The following TLN2 variants were observed in gnomAD, a reference collection of about 807,000 sequenced individuals.
TLN2 encodes talin 2, also known as talin-2.
A neutral mutation model predicts 294.7 loss-of-function variants in TLN2; 118 were observed. That is an observed-to-expected ratio of 0.40 (90% CI 0.34 to 0.47). The LOEUF is 0.47. Ranked by LOEUF, TLN2 falls within the 20% of genes least tolerant of loss-of-function variation. The pLI is 0.84. For missense variants in TLN2, 3,083 were observed against 3,282.2 expected (o/e 0.94, Z 1.48); for synonymous variants, 1,431 against 1,304.5 (o/e 1.10, Z -2.09).
chr15:62,707,120 A>T lies in TLN2; in HGVS notation c.2039A>T (p.Asn680Ile). ...VLMSLAKAVANAAAMLVLKAK... is the reference protein window; with the variant it reads ...VLMSLAKAVAIAAAMLVLKAK... ...ATGAGTTTGGCCAAAGCTGTTGCCA[A>T]TGCAGCTGCCATGTTGGTACTAAAG... Residue 680 changes from asparagine to isoleucine, a missense_variant, in exon 20 of 59, where the codon AAT becomes ATT. Coordinates refer to ENST00000636159, the MANE Select transcript of TLN2 (RefSeq NM_015059.3). 1 of 1,614,092 alleles carries T rather than the reference A, an allele frequency of 6.2e-7. No homozygotes were observed. Among genetic ancestry groups the T allele is most frequent in the East Asian group, 2.2e-5 (1 of 44,886 alleles).
At chr15:62,768,794 C>T (rs2063175598) in intron 41 of TLN2, among the ~76,000 whole-genome samples, 1 of 152,204 alleles carries the variant, frequency 6.6e-6, no homozygotes, top group Non-Finnish European at 1.5e-5. Context: ...AATATGTGAG[C>T]ACCTAGCCTT....
intron 1 of TLN2, among the ~76,000 whole-genome samples, chr15:62,455,550 T>C (rs1170673563): frequency 6.6e-6 from 1 of 152,176 alleles, no homozygotes; most frequent in African/African-American, 2.4e-5. Context: ...TGTTGACTTT[T>C]AGAAAGAGTA....
At position 62,582,247 on chromosome 15, in the gene TLN2, C is replaced by CACACACACACACAT. The variant is rs1412650912; in HGVS notation, c.-237-7439_-237-7438insCACACACACACATA. On this transcript the variant is annotated intron_variant, in intron 1 of 58. Transcript: ENST00000636159. Reference sequence around the variant, plus strand: ...ACACACACACACACACACACACACACATTCATGCCTGACCCATTCCTGACC... The same window carrying CACACACACACACAT: ...ACACACACACACACACACACACACACACACACACACACATATTCATGCCTGACCCATTCCTGACC... 7.7e-4 allele frequency among the ~76,000 whole-genome samples: 79 copies of CACACACACACACAT among 103,196 alleles called. 2 individuals carry two copies. The highest frequency in any genetic ancestry group is 1.3e-3 in the Non-Finnish European group (62 of 49,186). The allele number at this position is 103,196 out of a possible 152,430, so 67.7% of individuals were successfully genotyped here. A position where few individuals can be genotyped will look rare whatever the true frequency, so the allele number is the denominator to read the frequency against.
chr15:62,505,961 A>T (rs2039596233), intron 1 of TLN2, among the ~76,000 whole-genome samples: 1 of 152,306 alleles, frequency 6.6e-6, no homozygotes, highest in Admixed American at 6.5e-5. Flanking sequence ...CAGGTCTAAG[A>T]TCATTCTTTC....
At chr15:62,752,247 T>A (rs11638510) in intron 34 of TLN2, 58 bp from the exon 35 acceptor site, 115,574 of 1,598,736 alleles carry the variant, frequency 0.072, 4,899 homozygotes, top group Non-Finnish European at 0.086. Context: ...TAGCCTCCTT[T>A]ACCCCTTGGT....
At chr15:62,407,515 A>C (rs1000944668) in intron 1 of TLN2, among the ~76,000 whole-genome samples, 1 of 152,166 alleles carries the variant, frequency 6.6e-6, no homozygotes, top group Non-Finnish European at 1.5e-5. Flanking sequence ...GAACAAATGT[A>C]CCCTATCATG....
intron 1 of TLN2, among the ~76,000 whole-genome samples, chr15:62,584,001 T>C (rs1386493863): frequency 1.3e-5 from 2 of 152,246 alleles, no homozygotes; most frequent in Non-Finnish European, 2.9e-5. Flanking sequence ...TACACTACTT[T>C]GCATTGATAT....
chr15:62,394,915 A>G (rs770283660), intron 1 of TLN2, among the ~76,000 whole-genome samples: 10 of 152,164 alleles, frequency 6.6e-5, no homozygotes, highest in Non-Finnish European at 1.3e-4. Flanking sequence ...TTCACAGTGG[A>G]GTTTCAGAGA....
intron 1 of TLN2, among the ~76,000 whole-genome samples, chr15:62,510,636 G>T (rs73427782): frequency 2.9e-3 from 436 of 152,292 alleles, no homozygotes; most frequent in African/African-American, 9.7e-3. Flanking sequence ...ACTAATTCAT[G>T]CATGGTGATG....
chr15:62,418,006 C>T (rs1320619131), intron 1 of TLN2, among the ~76,000 whole-genome samples: 1 of 152,188 alleles, frequency 6.6e-6, no homozygotes, highest in East Asian at 1.9e-4. Flanking sequence ...TTGCTTTTCC[C>T]CCGCTTATCC....
At chr15:62,454,536 C>G (rs2036349521) in intron 1 of TLN2, among the ~76,000 whole-genome samples, 1 of 152,058 alleles carries the variant, frequency 6.6e-6, no homozygotes, top group Non-Finnish European at 1.5e-5. Flanking sequence ...ATTTGTAGGT[C>G]TGGTCATTAG....
chr15:62,781,306 C>A (rs1366725134), intron 44 of TLN2, 65 bp downstream of exon 44: 9 of 1,233,742 alleles, frequency 7.3e-6, no homozygotes, highest in Admixed American at 1.7e-5. Context: ...CGCCGCTGAG[C>A]CTGCAAATCC....
chr15:62,674,276 T>G (rs1258436221), intron 10 of TLN2, among the ~76,000 whole-genome samples: 1 of 152,188 alleles, frequency 6.6e-6, no homozygotes, highest in African/African-American at 2.4e-5. Context: ...AAATCCAGAA[T>G]TATCCTAAAA....
At chr15:62,432,447 G>T (rs1029634881) in intron 1 of TLN2, among the ~76,000 whole-genome samples, 1 of 152,084 alleles carries the variant, frequency 6.6e-6, no homozygotes, top group Non-Finnish European at 1.5e-5. Flanking sequence ...TTTTATAGTG[G>T]CATTAATCCA....
chr15:62,777,440 G>T (rs186563651), intron 43 of TLN2, among the ~76,000 whole-genome samples: 1 of 151,902 alleles, frequency 6.6e-6, no homozygotes. Context: ...GGAGGCTGAG[G>T]CAGGAGAATC....
intron 32 of TLN2, among the ~76,000 whole-genome samples, chr15:62,747,000 C>G (rs1449433758): frequency 1.3e-5 from 2 of 152,118 alleles, no homozygotes; most frequent in African/African-American, 4.8e-5. Flanking sequence ...CCATGTAGAT[C>G]AGTGCAACAC....
rs1450790060 is a variant in TLN2 at position 62,842,182 on chromosome 15, A to G, written c.*1572A>G. On this transcript the variant is annotated 3_prime_UTR_variant, in exon 59 of 59. Coordinates refer to ENST00000636159, the MANE Select transcript of TLN2 (RefSeq NM_015059.3). ...AGCTTCCCATATTTATAAGTTACTT[A>G]TAAGTGCTGCACGTATTAGAATTTT... The G allele has an allele frequency of 3.9e-5, 6 of 152,020 alleles. No individual in the cohort carries two copies. The highest frequency in any genetic ancestry group is 1.3e-4 in the Admixed American group (2 of 15,272). 9.4% of individuals were successfully genotyped at this position (152,020 alleles called of 1,614,324 possible). A position where few individuals can be genotyped will look rare whatever the true frequency, so the allele number is the denominator to read the frequency against.
intron 1 of TLN2, among the ~76,000 whole-genome samples, chr15:62,545,608 C>T (rs1356889667): frequency 6.6e-6 from 1 of 151,740 alleles, no homozygotes; most frequent in Non-Finnish European, 1.5e-5. Context: ...AGCAGAGCTG[C>T]AAATCTCCTG....
chr15:62,736,395 T>G (rs1345032671), intron 28 of TLN2, among the ~76,000 whole-genome samples: 1 of 152,070 alleles, frequency 6.6e-6, no homozygotes, highest in Non-Finnish European at 1.5e-5. Flanking sequence ...GAAGGGAGCA[T>G]TGACTGGCAC....
Sources: gnomAD v4.1 joint callset for allele counts (sites outside exome capture counted in the v4.1 genomes callset) on GRCh38, gnomAD v4.1.1 for gene constraint, MANE v1.5 for transcripts, NCBI Gene and HGNC (gene_info 2026-07-23, HGNC 2026-07-21) for gene names.